Variants in DPY19L4 observed in about 807,000 individuals in gnomAD.
DPY19L4 encodes the protein dpy-19 like 4.
A neutral mutation model predicts 102.8 loss-of-function variants in DPY19L4; 97 were observed. The ratio of observed to expected loss-of-function variants is 0.94; its 90% CI spans 0.80 to 1.12. The LOEUF is 1.12. Among genes scored for constraint, DPY19L4 ranks in the 50% most tolerant of loss-of-function variants. The pLI is 0.00. For synonymous variants in DPY19L4, 252 were observed against 283.1 expected (o/e 0.89, Z 1.10); for missense variants, 815 against 850.4 (o/e 0.96, Z 0.52).
rs558134064 is a variant in DPY19L4, at chr8:94,734,203, T to G, written c.128-427T>G. 5.9e-5 allele frequency among the ~76,000 whole-genome samples: 9 copies of G among 151,396 alleles called. 1 individual carries two copies. In the South Asian group the frequency reaches 1.9e-3, roughly 32 times the overall value. ...CCTCCCGAGTAGCTGGGATTACAAG[T>G]GTGCGCCACCACACCCAGCTAATTT... On this transcript the variant is annotated intron_variant, in intron 2 of 18. Coordinates refer to ENST00000414645, the MANE Select transcript of DPY19L4 (RefSeq NM_181787.3).
intron 2 of DPY19L4, among the ~76,000 whole-genome samples, chr8:94,731,489 T>C (rs902331456): frequency 1.3e-5 from 2 of 152,150 alleles, no homozygotes; most frequent in African/African-American, 4.8e-5. Flanking sequence ...TGATCTCAGC[T>C]CACTGCAACC....
Position 94,719,964 on chromosome 8 carries a change from G to C in DPY19L4, c.-35G>C. The C allele has an allele frequency of 1.3e-6, 2 of 1,508,028 alleles. No individual in the cohort carries two copies. Among genetic ancestry groups the C allele is most frequent in the Non-Finnish European group, 1.8e-6 (2 of 1,128,650 alleles). 93.4% of individuals were successfully genotyped at this position (1,508,028 alleles called of 1,614,324 possible). A position where few individuals can be genotyped will look rare whatever the true frequency, so the allele number is the denominator to read the frequency against. On this transcript the variant is annotated 5_prime_UTR_variant, in exon 1 of 19. Coordinates refer to ENST00000414645, the MANE Select transcript of DPY19L4 (RefSeq NM_181787.3). ...GAGGGAGGGAGAGTCTGGGCCGCGC[G>C]GGAGCCGCAGGGCGCCCTAGCCTTC...
rs1482463373 is a variant in DPY19L4 at position 94,726,219 on chromosome 8, C to T, written c.17-112C>T. 9 of 684,792 alleles carry T rather than the reference C, an allele frequency of 1.3e-5. No homozygotes were observed. In the East Asian group the frequency reaches 1.5e-4, roughly 12 times the overall value. 42.4% of individuals were successfully genotyped at this position (684,792 alleles called of 1,614,324 possible). A position where few individuals can be genotyped will look rare whatever the true frequency, so the allele number is the denominator to read the frequency against. ...AATTATGAAAAGGTTATCTTTGATA[C>T]TAATAGGTCTTAGTGGTACTTTTGC... On this transcript the variant is annotated intron_variant, in intron 1 of 18. Transcript: ENST00000414645.
At chr8:94,733,493 G>T (rs1237212844) in intron 2 of DPY19L4, among the ~76,000 whole-genome samples, 1 of 151,876 alleles carries the variant, frequency 6.6e-6, no homozygotes, top group Non-Finnish European at 1.5e-5. Context: ...ACAGATCTTA[G>T]AACTTCTTCC....
chr8:94,786,411 T>G (rs1449026155), intron 17 of DPY19L4, among the ~76,000 whole-genome samples: 4 of 149,138 alleles, frequency 2.7e-5, no homozygotes, highest in Non-Finnish European at 4.4e-5. Flanking sequence ...AGGAGTGAGC[T>G]ACCATGCCCG....
chr8:94,732,530 AAAAAT>A (rs1435727569), intron 2 of DPY19L4, among the ~76,000 whole-genome samples: 2 of 152,372 alleles, frequency 1.3e-5, no homozygotes, highest in East Asian at 3.9e-4. Flanking sequence ...CTGTCTCTAC[AAAAAT>A]AAAATAAAAT....
At chr8:94,757,806 A>AGT (rs1326681554) in intron 7 of DPY19L4, among the ~76,000 whole-genome samples, 3 of 152,148 alleles carry the variant, frequency 2.0e-5, no homozygotes, top group Admixed American at 1.3e-4. Flanking sequence ...TCAATTGTTA[A>AGT]GTAAAAGAGT....
chr8:94,759,317 T>G (rs961838091), intron 7 of DPY19L4, among the ~76,000 whole-genome samples: 1 of 151,988 alleles, frequency 6.6e-6, no homozygotes, highest in Non-Finnish European at 1.5e-5. Context: ...ATCCTGCTGA[T>G]TGGTGCATTT....
intron 16 of DPY19L4, among the ~76,000 whole-genome samples, chr8:94,782,124 A>G (rs1299030682): frequency 6.6e-6 from 1 of 152,214 alleles, no homozygotes; most frequent in Non-Finnish European, 1.5e-5. Context: ...CACAAAACTT[A>G]GTGGCTTACA....
chr8:94,777,719 G>A lies in DPY19L4; in HGVS notation c.1508G>A (p.Cys503Tyr). Reference sequence around the variant, plus strand: ...TGCATGTTAGCAGCATTTGGTGTATGTTCTCCCGAACTTTGGATGACACTT... The same window carrying A: ...TGCATGTTAGCAGCATTTGGTGTATATTCTCCCGAACTTTGGATGACACTT... The part of the protein sequence containing the change: ...YVCMLAAFGV[C>Y]SPELWMTLFK... The change falls in exon 14 of 19, where the codon TGT becomes TAT. Residue 503 changes from cysteine to tyrosine, a missense_variant. By Grantham distance (194) the Cys-to-Tyr change is radical. Coordinates refer to ENST00000414645, the MANE Select transcript of DPY19L4 (RefSeq NM_181787.3). 6.2e-7 allele frequency: 1 copy of A among 1,614,010 alleles called. No homozygotes were observed. The highest frequency in any genetic ancestry group is 2.2e-5 in the East Asian group (1 of 44,860).
chr8:94,789,765 A>G lies in DPY19L4; in HGVS notation c.2027A>G (p.Asp676Gly). The change falls in exon 19 of 19, where the codon GAC (aspartate) becomes GGC (glycine). Residue 676 changes from aspartate to glycine, a missense_variant. By Grantham distance (94) the Asp-to-Gly change is moderately conservative (BLOSUM62 -1). Coordinates refer to ENST00000414645, the MANE Select transcript of DPY19L4 (RefSeq NM_181787.3). The stretch of plus-strand genomic sequence containing the variant: ...TAATAGATGGTTTGTGAAGAAGGTG[A>G]CAAGCTAACCTACTCAAAATATGGG... ...ANGHMVCEEG[D>G]KLTYSKYGRF... 1.2e-6 allele frequency: 2 copies of G among 1,602,472 alleles called. No homozygotes were observed. The highest frequency in any genetic ancestry group is 1.3e-5 in the African/African-American group (1 of 74,434).
Position 94,792,544 on chromosome 8 carries a change from G to C in DPY19L4, c.*2634G>C, listed in dbSNP as rs1244578700. The C allele has an allele frequency of 1.3e-5, 2 of 148,886 alleles. No homozygotes were observed. The highest frequency in any genetic ancestry group is 4.4e-4 in the East Asian group (2 of 4,540). The allele number at this position is 148,886 out of a possible 1,614,324, so 9.2% of individuals were successfully genotyped here. ...ATTACAGACGTGAGCCACTGCGCCC[G>C]GCGCAAGTCTTTGTTAAAAGTAGAG... On this transcript the variant is annotated 3_prime_UTR_variant, in exon 19 of 19. Transcript: ENST00000414645.
intron 2 of DPY19L4, among the ~76,000 whole-genome samples, chr8:94,731,056 A>T (rs1257092701): frequency 3.8e-5 from 1 of 26,362 alleles, no homozygotes; most frequent in Non-Finnish European, 6.2e-5. Flanking sequence ...ACTCTGTCTC[A>T]AAAAAAAAAA....
In DPY19L4 at chr8:94,782,584, G is replaced by T; in HGVS notation, c.1716-1086G>T. Among the ~76,000 whole-genome samples, 2 of 151,202 alleles carry T rather than the reference G, an allele frequency of 1.3e-5. 1 individual carries two copies. The highest frequency in any genetic ancestry group is 2.9e-5 in the Non-Finnish European group (2 of 67,814). On this transcript the variant is annotated intron_variant, in intron 16 of 18. Coordinates refer to ENST00000414645, the MANE Select transcript of DPY19L4 (RefSeq NM_181787.3). ...TTATTAAAGACATAAAAGAAGATAA[G>T]AAAACATGAAAAAGTGATGAAATAC...
At chr8:94,726,293 T>G in intron 1 of DPY19L4, 38 bp from the exon 2 acceptor site, 1 of 1,546,802 alleles carries the variant, frequency 6.5e-7, no homozygotes. Flanking sequence ...TAAAACAATT[T>G]TATACACACA....
intron 1 of DPY19L4, among the ~76,000 whole-genome samples, chr8:94,725,390 G>C (rs1433558885): frequency 6.6e-6 from 1 of 152,162 alleles, no homozygotes; most frequent in Non-Finnish European, 1.5e-5. Flanking sequence ...TTGGAGTTTA[G>C]TTTACTAGTT....
At chr8:94,731,625 T>C (rs952840033) in intron 2 of DPY19L4, among the ~76,000 whole-genome samples, 4 of 151,726 alleles carry the variant, frequency 2.6e-5, no homozygotes, top group African/African-American at 9.7e-5. Context: ...ATGTTGGCCA[T>C]GGTTGGTCTC....
rs770275693 is a variant in DPY19L4 at position 94,770,587 on chromosome 8, T to C, written c.1454+16T>C. ...TTATAGAAGGGTAAGTGTACTTTATTTGATCCCTTTGTTTTAACAAAGATT... is the reference window on the plus strand; with the variant it reads ...TTATAGAAGGGTAAGTGTACTTTATCTGATCCCTTTGTTTTAACAAAGATT... On this transcript the variant is annotated intron_variant, in intron 13 of 18. Transcript: ENST00000414645. 12 of 1,612,570 alleles carry C rather than the reference T, an allele frequency of 7.4e-6. No homozygotes were observed. Among genetic ancestry groups the C allele is most frequent in the Non-Finnish European group, 1.0e-5 (12 of 1,179,472 alleles).
At chr8:94,780,100 G>C (rs573691354) in intron 14 of DPY19L4, among the ~76,000 whole-genome samples, 1 of 152,066 alleles carries the variant, frequency 6.6e-6, no homozygotes, top group South Asian at 2.1e-4. Flanking sequence ...ATATTATTAT[G>C]AGCATTACCT....
Sources: allele counts gnomAD v4.1 joint callset (sites outside exome capture counted in the v4.1 genomes callset), GRCh38; gene constraint gnomAD v4.1.1; transcripts MANE v1.5; gene names NCBI Gene and HGNC (gene_info 2026-07-23, HGNC 2026-07-21).